The following STAU2 variants were observed in gnomAD, a reference collection of about 807,000 sequenced individuals.
The protein encoded by STAU2 is staufen double-stranded RNA binding protein 2.
A neutral mutation model predicts 65.9 loss-of-function variants in STAU2; 20 were observed. The ratio of observed to expected loss-of-function variants is 0.30; its 90% CI spans 0.21 to 0.44. The LOEUF is 0.44. Ranked by LOEUF, STAU2 falls within the 20% of genes least tolerant of loss-of-function variation. The pLI is 1.00. For missense variants in STAU2, 558 were observed against 683.9 expected, an observed-to-expected ratio of 0.82 and a Z score of 2.05; for synonymous variants, 232 against 233.9, an observed-to-expected ratio of 0.99 and a Z score of 0.07.
At chr8:73,608,442 A>AC (rs1812195846) in intron 9 of STAU2, among the ~76,000 whole-genome samples, 1 of 151,840 alleles carries the variant, frequency 6.6e-6, no homozygotes, top group African/African-American at 2.4e-5. Context: ...GCCCGTCTCT[A>AC]CTAAAAAAAC....
Position 73,709,204 on chromosome 8 carries a change from T to C in STAU2, c.-17-42A>G, listed in dbSNP as rs1397845636. The C allele has an allele frequency of 4.9e-6, 7 of 1,427,376 alleles. No individual in the cohort carries two copies. In the East Asian group the frequency reaches 1.6e-4, roughly 32 times the overall value. 88.4% of individuals were successfully genotyped at this position (1,427,376 alleles called of 1,614,324 possible). A position where few individuals can be genotyped will look rare whatever the true frequency, so the allele number is the denominator to read the frequency against. The stretch of plus-strand genomic sequence containing the variant: ...TATAAAGTTTTTGTGAAGAATGACT[T>C]TACAAAATGGAAGAAAAACTAGTTT... On this transcript the variant is annotated intron_variant, in intron 3 of 14. Coordinates refer to ENST00000524300, the MANE Select transcript of STAU2 (RefSeq NM_001164380.2).
intron 13 of STAU2, among the ~76,000 whole-genome samples, chr8:73,432,760 C>T (rs1817396569): frequency 6.6e-6 from 1 of 152,178 alleles, no homozygotes; most frequent in African/African-American, 2.4e-5. Flanking sequence ...ACGATCCTAT[C>T]AGTTCAGGTA....
At chr8:73,618,066 A>T (rs1354252368) in intron 6 of STAU2, among the ~76,000 whole-genome samples, 2 of 152,248 alleles carry the variant, frequency 1.3e-5, no homozygotes, top group African/African-American at 4.8e-5. Flanking sequence ...ATGTAAGAAG[A>T]AACAAAAAAA....
At chr8:73,689,069 A>G (rs971985182) in intron 4 of STAU2, among the ~76,000 whole-genome samples, 1 of 152,212 alleles carries the variant, frequency 6.6e-6, no homozygotes, top group African/African-American at 2.4e-5. Context: ...TCAAGAAGCA[A>G]TCTTTCCTCT....
chr8:73,543,794 T>C (rs1585972064), intron 13 of STAU2, among the ~76,000 whole-genome samples: 1 of 152,212 alleles, frequency 6.6e-6, no homozygotes, highest in African/African-American at 2.4e-5. Flanking sequence ...AGTATGCTTC[T>C]GGAATCTCTT....
intron 5 of STAU2, among the ~76,000 whole-genome samples, chr8:73,677,758 T>A (rs1818121459): frequency 6.6e-6 from 1 of 152,180 alleles, no homozygotes; most frequent in Admixed American, 6.5e-5. Flanking sequence ...ATAACTGTAA[T>A]GTGCCCTTGT....
intron 8 of STAU2, among the ~76,000 whole-genome samples, chr8:73,614,915 T>C (rs531335938): frequency 6.6e-6 from 1 of 152,260 alleles, no homozygotes; most frequent in East Asian, 1.9e-4. Context: ...ACTGAGATAA[T>C]GCAACTTGTA....
chr8:73,681,301 G>A (rs1818410521), intron 5 of STAU2, among the ~76,000 whole-genome samples: 1 of 152,134 alleles, frequency 6.6e-6, no homozygotes, highest in Admixed American at 6.5e-5. Context: ...ATGGAATTGA[G>A]GTCCTATCTT....
In STAU2 at chr8:73,601,870, C is replaced by T. The variant is rs79328427; in HGVS notation, c.1029+1856G>A. 9.2e-3 allele frequency among the ~76,000 whole-genome samples: 1,407 copies of T among 152,114 alleles called. 10 individuals are homozygous for T. The highest frequency in any genetic ancestry group is 0.015 in the Non-Finnish European group (1,037 of 67,982). On this transcript the variant is annotated intron_variant, in intron 10 of 14. Transcript: ENST00000524300. Reference sequence around the variant, plus strand: ...TCCCAATACATGTCTAAAATTCAGGCGATTTTTTTCTTCAAGCTTTGGCAT... The same window carrying T: ...TCCCAATACATGTCTAAAATTCAGGTGATTTTTTTCTTCAAGCTTTGGCAT...
chr8:73,527,712 G>A (rs376807384), intron 13 of STAU2: 5 of 1,536,528 alleles, frequency 3.3e-6, no homozygotes, highest in Middle Eastern at 1.7e-4. Flanking sequence ...TGGCTTCAAT[G>A]GAGCTTCCAA....
Position 73,422,627 on chromosome 8 carries a change from C to T in STAU2, c.1606G>A (p.Gly536Ser), listed in dbSNP as rs1816467554. The T allele has an allele frequency of 1.3e-6, 2 of 1,513,380 alleles. No individual in the cohort carries two copies. The highest frequency in any genetic ancestry group is 1.8e-6 in the Non-Finnish European group (2 of 1,138,668). 93.7% of individuals were successfully genotyped at this position (1,513,380 alleles called of 1,614,324 possible). Reference protein sequence around the residue: ...PIDGAMNIEKGSLEKQAKHLR... With the variant: ...PIDGAMNIEKSSLEKQAKHLR... Reference sequence around the variant, plus strand: ...GGATTTACTCACTTTTCAAGAGAACCTTTTTCGATATTCATTGCTCCATCG... The same window carrying T: ...GGATTTACTCACTTTTCAAGAGAACTTTTTTCGATATTCATTGCTCCATCG... Residue 536 changes from glycine to serine, a missense_variant, in exon 14 of 15, where the codon GGT becomes AGT. Transcript: ENST00000524300.
intron 6 of STAU2, among the ~76,000 whole-genome samples, chr8:73,629,276 C>T (rs986560070): frequency 2.0e-5 from 3 of 152,120 alleles, no homozygotes; most frequent in African/African-American, 7.2e-5. Context: ...TCCCATTTTC[C>T]CACTGTTGCC....
chr8:73,541,824 C>G (rs1486964132), intron 13 of STAU2, among the ~76,000 whole-genome samples: 4 of 151,890 alleles, frequency 2.6e-5, no homozygotes, highest in Non-Finnish European at 5.9e-5. Flanking sequence ...GGCTCAAGAG[C>G]AAACTGGAGA....
rs76284137 is a variant in STAU2 at position 73,728,020 on chromosome 8, A to T, written c.-18+10264T>A. 1.8e-3 allele frequency: 270 copies of T among 152,270 alleles called. 2 individuals carry two copies. The highest frequency in any genetic ancestry group is 9.1e-3 in the South Asian group (44 of 4,824). The allele number at this position is 152,270 out of a possible 1,614,324, so 9.4% of individuals were successfully genotyped here. A position where few individuals can be genotyped will look rare whatever the true frequency, so the allele number is the denominator to read the frequency against. ...CTTCTCAGAGTAACTGTCTATTCCA[A>T]GTCCTTTGCCCATTTTTTAGTTGAG... On this transcript the variant is annotated intron_variant, in intron 3 of 14. Coordinates refer to ENST00000524300, the MANE Select transcript of STAU2 (RefSeq NM_001164380.2).
chr8:73,468,682 C>T (rs1819800731), intron 13 of STAU2, among the ~76,000 whole-genome samples: 1 of 152,210 alleles, frequency 6.6e-6, no homozygotes, highest in Non-Finnish European at 1.5e-5. Context: ...GACATTTATG[C>T]AGCCAACAGA....
chr8:73,540,361 G>A (rs1806465085), intron 13 of STAU2, among the ~76,000 whole-genome samples: 2 of 152,192 alleles, frequency 1.3e-5, no homozygotes. Context: ...GCCACAAAAA[G>A]CTAGAAAAGA....
intron 11 of STAU2, among the ~76,000 whole-genome samples, chr8:73,589,733 T>A (rs187648074): frequency 3.7e-4 from 57 of 152,108 alleles, no homozygotes; most frequent in African/African-American, 1.3e-3. Flanking sequence ...AATGTATAAA[T>A]GGAAACTCCA....
intron 6 of STAU2, among the ~76,000 whole-genome samples, chr8:73,655,639 CTTTTTTTTTT>C (rs71269930): frequency 5.7e-5 from 6 of 104,748 alleles, no homozygotes; most frequent in African/African-American, 1.2e-4. Context: ...TTTAATACAT[CTTTTTTTTTT>C]TTTTTTTTTT....
At chr8:73,494,922 G>A (rs1440269833) in intron 13 of STAU2, among the ~76,000 whole-genome samples, 1 of 151,540 alleles carries the variant, frequency 6.6e-6, no homozygotes, top group Non-Finnish European at 1.5e-5. Flanking sequence ...CCTTCCAATT[G>A]TGCTGAGCCA....
Sources: gnomAD v4.1 joint callset for allele counts (sites outside exome capture counted in the v4.1 genomes callset) on GRCh38, gnomAD v4.1.1 for gene constraint, MANE v1.5 for transcripts, NCBI Gene and HGNC (gene_info 2026-07-23, HGNC 2026-07-21) for gene names.